The following COPB1 variants were observed in gnomAD, a reference collection of about 807,000 sequenced individuals.
COPB1 encodes the protein coat protein complex I subunit beta 1.
COPB1 carries 21 observed loss-of-function variants against 108.7 expected under a neutral mutation model. The ratio of observed to expected loss-of-function variants is 0.19; its 90% CI spans 0.14 to 0.28. The LOEUF is 0.28. COPB1 is among the 10% of genes least tolerant of loss of function. The probability of loss-of-function intolerance (pLI) is 1.00; values close to 1 mark genes in which losing one functional copy is unlikely to be tolerated. For missense variants in COPB1, 919 were observed against 1,141.3 expected, an observed-to-expected ratio of 0.81 and a Z score of 2.81; for synonymous variants, 378 against 386.8, an observed-to-expected ratio of 0.98 and a Z score of 0.27.
rs1455328754 is a variant in COPB1, at chr11:14,479,590, A to T, written c.1337T>A (p.Phe446Tyr). ...CTACTTGACAGATTTAATAGCATGA[A>T]AGACTTCAAGCATCTTCTCAACAAT... ...MLIVEKMLEV[F>Y]HAIKSVKIYR... The change falls in exon 11 of 22, where the codon TTT (phenylalanine) becomes TAT (tyrosine). Residue 446 changes from phenylalanine (F) to tyrosine (Y), a missense_variant. This residue lies in a region of COPB1 where 705 missense variants were observed against 817.8 expected (regional missense o/e 0.86). Transcript: ENST00000439561. The T allele has an allele frequency of 6.2e-7, 1 of 1,609,676 alleles. No homozygotes were observed. The highest frequency in any genetic ancestry group is 2.2e-5 in the East Asian group (1 of 44,856).
intron 21 of COPB1, 67 bp downstream of exon 21, chr11:14,458,465 A>T (rs1850074416): frequency 2.1e-6 from 3 of 1,454,614 alleles, no homozygotes; most frequent in Admixed American, 4.5e-5. Context: ...TATAGAAATA[A>T]TAAAGTCATA....
At chr11:14,482,917 A>C (rs7121538) in intron 8 of COPB1, 115 bp downstream of exon 8, 139,636 of 934,158 alleles carry the variant, frequency 0.15, 10,976 homozygotes, top group African/African-American at 0.2. Context: ...GCTGATCAAA[A>C]TATAAACTGC....
intron 18 of COPB1, 35 bp from the exon 19 acceptor site, chr11:14,461,366 T>C: frequency 6.2e-7 from 1 of 1,600,372 alleles, no homozygotes; most frequent in Non-Finnish European, 8.5e-7. Flanking sequence ...TCGCAATCAC[T>C]GGGGCAAACT....
At chr11:14,458,487 C>T (rs200182135) in intron 21 of COPB1, 45 bp downstream of exon 21, 7 of 1,548,530 alleles carry the variant, frequency 4.5e-6, no homozygotes, top group Non-Finnish European at 5.2e-6. Flanking sequence ...ATTCCTCCCC[C>T]CTTTGTCAGT....
Position 14,483,035 on chromosome 11 carries a change from T to C in COPB1, c.954A>G (p.Leu318=), listed in dbSNP as rs147354448. 122 of 1,561,912 alleles carry C rather than the reference T, an allele frequency of 7.8e-5. No individual in the cohort carries two copies. Among genetic ancestry groups the C allele is most frequent in the Admixed American group, 6.4e-4 (37 of 57,486 alleles). ...CTCTTTTTCAGATAACACTTACCTG[T>C]AGTACTCGTTCATGAGCAGGATGCT... is the stretch of plus-strand genomic sequence containing the variant. ...LKEHPAHERV[L]QDLVMDILRV... is the part of the protein sequence containing the mutation. The change falls in exon 8 of 22, where the codon CTA becomes CTG. Residue 318 remains leucine (L), a synonymous_variant. Transcript: ENST00000439561.
chr11:14,478,984 C>CAAAAAAAAAAAA, intron 11 of COPB1: 1 of 91,068 alleles, frequency 1.1e-5, no homozygotes, highest in Non-Finnish European at 2.3e-5. Flanking sequence ...AAAAAAAAAG[C>CAAAAAAAAAAAA]AAATCCTTAA....
At chr11:14,472,266 CT>C (rs1282242771) in intron 14 of COPB1, among the ~76,000 whole-genome samples, 3 of 152,202 alleles carry the variant, frequency 2.0e-5, no homozygotes, top group Non-Finnish European at 2.9e-5. Context: ...CATCAGAGCT[CT>C]TGGGTGACCA....
At chr11:14,481,486 AC>A (rs1850657582) in intron 8 of COPB1, among the ~76,000 whole-genome samples, 1 of 152,218 alleles carries the variant, frequency 6.6e-6, no homozygotes, top group African/African-American at 2.4e-5. Flanking sequence ...AAAAAAAGAT[AC>A]TGTCCAAAAT....
chr11:14,466,552 A>G, intron 16 of COPB1, 126 bp from the exon 17 acceptor site: 2 of 889,146 alleles, frequency 2.2e-6, no homozygotes, highest in Non-Finnish European at 3.3e-6. Context: ...GAGATAGGTA[A>G]AATAAAATTG....
Position 14,468,741 on chromosome 11 carries a change from T to A in COPB1, c.2085A>T (p.Ala695=), listed in dbSNP as rs1022833902. 6.2e-7 allele frequency: 1 copy of A among 1,614,216 alleles called. No individual in the cohort carries two copies. Among genetic ancestry groups the A allele is most frequent in the East Asian group, 2.2e-5 (1 of 44,878 alleles). The change falls in exon 16 of 22, where the codon GCA becomes GCT. Residue 695 remains alanine, a synonymous_variant. Transcript: ENST00000439561. ...CTTTCCTCTGTGTGTTACCCATTGC[T>A]GCCAGTAAACTCAGCTGAAACTGAT... ...KEDQFQLSLL[A]AMGNTQRKEA...
At chr11:14,489,048 T>C (rs1850837209) in intron 5 of COPB1, among the ~76,000 whole-genome samples, 1 of 152,212 alleles carries the variant, frequency 6.6e-6, no homozygotes, top group Admixed American at 6.5e-5. Context: ...CGCCCCTCAA[T>C]GTAGGTTAAC....
At position 14,460,192 on chromosome 11, in the gene COPB1, C is replaced by G. The variant is rs771236146; in HGVS notation, c.2646+16G>C. On this transcript the variant is annotated intron_variant, in intron 20 of 21. Transcript: ENST00000439561. ...ACCATTCCATCAGATTTCTGAATTT[C>G]CTAGTCAAATTTTACCTTTTCTGGA... is the stretch of plus-strand genomic sequence containing the variant. The G allele has an allele frequency of 6.5e-7, 1 of 1,528,348 alleles. No individual in the cohort carries two copies. Among genetic ancestry groups the G allele is most frequent in the Non-Finnish European group, 9.0e-7 (1 of 1,105,064 alleles). 94.7% of individuals were successfully genotyped at this position (1,528,348 alleles called of 1,614,324 possible). A position where few individuals can be genotyped will look rare whatever the true frequency, so the allele number is the denominator to read the frequency against.
chr11:14,469,207 C>T (rs1292395833), intron 15 of COPB1, 129 bp downstream of exon 15: 4 of 766,702 alleles, frequency 5.2e-6, no homozygotes, highest in African/African-American at 1.7e-5. Context: ...ATGTAGCCCA[C>T]ACTGGTCTCA....
intron 12 of COPB1, among the ~76,000 whole-genome samples, chr11:14,476,519 A>ATT (rs1343260822): frequency 6.6e-6 from 1 of 152,222 alleles, no homozygotes; most frequent in Non-Finnish European, 1.5e-5. Context: ...AAAAACACTG[A>ATT]TGTCAAGTTA....
chr11:14,459,692 T>A (rs1203216850), intron 20 of COPB1, among the ~76,000 whole-genome samples: 1 of 151,210 alleles, frequency 6.6e-6, no homozygotes, highest in Non-Finnish European at 1.5e-5. Flanking sequence ...CTCGGCTCAC[T>A]GCAACCTCCA....
Position 14,499,070 on chromosome 11 carries a change from TAGAA to T in COPB1, c.-57-89_-57-86del, listed in dbSNP as rs980992754. The T allele has an allele frequency of 2.5e-5, 16 of 647,116 alleles. No homozygotes were observed. In the African/African-American group the frequency reaches 3.0e-4, roughly 12 times the overall value. The allele number at this position is 647,116 out of a possible 1,614,324, so 40.1% of individuals were successfully genotyped here. ...TACCTATAGTGACCTTTTAAAGTAT[TAGAA>T]AGGGCAGGTCAATCTATATCGTGTT... On this transcript the variant is annotated intron_variant, in intron 1 of 21. Coordinates refer to ENST00000439561, the MANE Select transcript of COPB1 (RefSeq NM_001144061.2).
intron 4 of COPB1, among the ~76,000 whole-genome samples, chr11:14,492,212 G>A (rs755648389): frequency 1.8e-4 from 27 of 152,118 alleles, no homozygotes; most frequent in Admixed American, 8.5e-4. Context: ...TCAAGACATA[G>A]TGTTCACATT....
chr11:14,498,844 C>A lies in COPB1; in HGVS notation c.85G>T (p.Asp29Tyr), dbSNP rs779373696. ...EPPSEISLKNDLEKGDVKSKT... is the reference protein window; with the variant it reads ...EPPSEISLKNYLEKGDVKSKT... Reference sequence around the variant, plus strand: ...AAATAATATCGAAGTTTACCTAGATCATTTTTTAAGCTAATTTCAGATGGT... The same window carrying A: ...AAATAATATCGAAGTTTACCTAGATAATTTTTTAAGCTAATTTCAGATGGT... Residue 29 changes from aspartate to tyrosine, a missense_variant, in exon 2 of 22, where the codon GAT becomes TAT. Asp to Tyr is a radical substitution (Grantham distance 160). Around this residue, in one of 5 missense-constraint regions of COPB1, gnomAD observed 92 missense variants for 108.4 expected, o/e 0.85. Transcript: ENST00000439561. 3.7e-5 allele frequency: 59 copies of A among 1,595,300 alleles called. No individual in the cohort carries two copies. Among genetic ancestry groups the A allele is most frequent in the Middle Eastern group, 1.8e-4 (1 of 5,504 alleles).
intron 2 of COPB1, among the ~76,000 whole-genome samples, chr11:14,497,343 G>GAAA: frequency 6.7e-6 from 1 of 148,844 alleles, no homozygotes. Context: ...AACTCTACAG[G>GAAA]AAAAAAAAAA....
Sources: gnomAD v4.1 joint callset for allele counts (sites outside exome capture counted in the v4.1 genomes callset) on GRCh38, gnomAD v4.1.1 for gene constraint, gnomAD v4.1.1 regional missense constraint, MANE v1.5 for transcripts, NCBI Gene and HGNC (gene_info 2026-07-23, HGNC 2026-07-21) for gene names.